The following NAALADL2 variants were observed in gnomAD, a reference collection of about 807,000 sequenced individuals.
The protein encoded by NAALADL2 is N-acetylated alpha-linked acidic dipeptidase like 2.
A neutral mutation model predicts 87.2 loss-of-function variants in NAALADL2; 76 were observed. The ratio of observed to expected loss-of-function variants is 0.87; its 90% CI spans 0.72 to 1.05. The LOEUF (loss-of-function observed/expected upper bound fraction) is 1.05, where lower values mean the gene tolerates loss of function less well. NAALADL2 is among the 50% of genes least tolerant of loss of function. The probability of loss-of-function intolerance (pLI) is 0.00; values close to 1 mark genes in which losing one functional copy is unlikely to be tolerated. For missense variants in NAALADL2, 1,089 were observed against 945.8 expected (o/e 1.15, Z -1.99); for synonymous variants, 354 against 331.0 (o/e 1.07, Z -0.75).
At chr3:174,657,604 G>A (rs993528869) in intron 2 of NAALADL2, among the ~76,000 whole-genome samples, 1 of 152,080 alleles carries the variant, frequency 6.6e-6, no homozygotes, top group Admixed American at 6.6e-5. Context: ...TGGCGTATTC[G>A]TGACAACTGT....
chr3:174,768,434 C>A (rs944789384), intron 3 of NAALADL2, among the ~76,000 whole-genome samples: 2 of 152,066 alleles, frequency 1.3e-5, no homozygotes, highest in South Asian at 4.2e-4. Context: ...CTAGTCTTTT[C>A]ATTTATAAAG....
At chr3:175,614,781 T>C (rs897623274) in intron 10 of NAALADL2, among the ~76,000 whole-genome samples, 2 of 152,228 alleles carry the variant, frequency 1.3e-5, no homozygotes, top group African/African-American at 4.8e-5. Context: ...TGACACAAGA[T>C]ATGCAACTAT....
At chr3:174,522,879 A>G (rs537434693) in intron 1 of NAALADL2, among the ~76,000 whole-genome samples, 1 of 138,692 alleles carries the variant, frequency 7.2e-6, no homozygotes, top group Non-Finnish European at 1.5e-5. Flanking sequence ...GCTTGCAGTG[A>G]GCCGAGATCT....
At chr3:175,708,533 G>C (rs901195858) in intron 11 of NAALADL2, among the ~76,000 whole-genome samples, 14 of 151,650 alleles carry the variant, frequency 9.2e-5, no homozygotes, top group Admixed American at 7.9e-4. Flanking sequence ...AGACCAAACT[G>C]CCGAGTTGTC....
At chr3:174,489,083 C>G (rs1718029528) in intron 1 of NAALADL2, among the ~76,000 whole-genome samples, 1 of 152,028 alleles carries the variant, frequency 6.6e-6, no homozygotes, top group Non-Finnish European at 1.5e-5. Context: ...ATTTCTCTAC[C>G]TCATTGCTGG....
chr3:175,178,260 A>T (rs937923541), intron 2 of NAALADL2, among the ~76,000 whole-genome samples: 10 of 152,006 alleles, frequency 6.6e-5, no homozygotes, highest in Admixed American at 5.3e-4. Flanking sequence ...AATAGAAGAA[A>T]AGCCATCTCA....
At chr3:175,117,233 A>T (rs2108536868) in intron 2 of NAALADL2, among the ~76,000 whole-genome samples, 1 of 151,086 alleles carries the variant, frequency 6.6e-6, no homozygotes, top group South Asian at 2.1e-4. Flanking sequence ...AACCAAAAGC[A>T]ATGGCAACAA....
chr3:174,741,842 A>ACAAGC (rs1014252744), intron 3 of NAALADL2, among the ~76,000 whole-genome samples: 5 of 151,784 alleles, frequency 3.3e-5, no homozygotes, highest in Admixed American at 2.6e-4. Context: ...CTATCTTTAC[A>ACAAGC]CAAGCGGTTT....
At chr3:175,676,533 A>G (rs1734812281) in intron 11 of NAALADL2, 1 of 152,156 alleles carries the variant, frequency 6.6e-6, no homozygotes, top group South Asian at 2.1e-4. Context: ...CTTCATGCAG[A>G]ATCAGAGCTG....
chr3:174,579,467 A>T (rs993234951), intron 2 of NAALADL2, among the ~76,000 whole-genome samples: 2 of 152,044 alleles, frequency 1.3e-5, no homozygotes, highest in Non-Finnish European at 2.9e-5. Flanking sequence ...AAGAGTATAT[A>T]TTGTCTACTT....
At chr3:175,665,623 G>A (rs535611363) in intron 11 of NAALADL2, among the ~76,000 whole-genome samples, 1 of 152,168 alleles carries the variant, frequency 6.6e-6, no homozygotes, top group Admixed American at 6.5e-5. Flanking sequence ...CATTATGATA[G>A]CATCTTAACA....
chr3:174,778,080 T>A (rs1715438922), intron 3 of NAALADL2, among the ~76,000 whole-genome samples: 1 of 152,084 alleles, frequency 6.6e-6, no homozygotes, highest in Non-Finnish European at 1.5e-5. Context: ...CCTACTGGTA[T>A]TATGCTAGAT....
At chr3:174,726,409 A>G (rs561834295) in intron 2 of NAALADL2, among the ~76,000 whole-genome samples, 59 of 152,284 alleles carry the variant, frequency 3.9e-4, no homozygotes, top group African/African-American at 1.3e-3. Context: ...ACAACCTGTC[A>G]TTAGTTATAA....
chr3:174,596,230 A>C (rs1717889150), intron 2 of NAALADL2, among the ~76,000 whole-genome samples: 1 of 152,102 alleles, frequency 6.6e-6, no homozygotes, highest in African/African-American at 2.4e-5. Flanking sequence ...ACTTTAGTGA[A>C]ATTGCTTATG....
chr3:175,201,044 G>A (rs933005480), intron 2 of NAALADL2, among the ~76,000 whole-genome samples: 1 of 152,114 alleles, frequency 6.6e-6, no homozygotes, highest in African/African-American at 2.4e-5. Flanking sequence ...TCAGAATTAT[G>A]TCAAATTGTT....
At chr3:174,944,258 C>T (rs6771555) in intron 1 of NAALADL2, among the ~76,000 whole-genome samples, 6,282 of 152,160 alleles carry the variant, frequency 0.041, 440 homozygotes, top group African/African-American at 0.14. Context: ...GAGGTCCCAC[C>T]CAGTGACAGG....
At chr3:174,642,877 G>A (rs1723393695) in intron 2 of NAALADL2, among the ~76,000 whole-genome samples, 1 of 150,512 alleles carries the variant, frequency 6.6e-6, no homozygotes, top group African/African-American at 2.4e-5. Context: ...CAACCTCGTG[G>A]GCTCAAATGA....
At chr3:174,752,645 A>G (rs1447640769) in intron 3 of NAALADL2, among the ~76,000 whole-genome samples, 1 of 149,296 alleles carries the variant, frequency 6.7e-6, no homozygotes, top group Non-Finnish European at 1.5e-5. Flanking sequence ...TTTCTTTTTT[A>G]TCACTTTATT....
intron 11 of NAALADL2, among the ~76,000 whole-genome samples, chr3:175,686,737 G>C (rs1192738139): frequency 6.6e-6 from 1 of 152,004 alleles, no homozygotes; most frequent in Non-Finnish European, 1.5e-5. Flanking sequence ...GGTAATGTTT[G>C]CTCCATGAAA....
Sources: gnomAD v4.1 joint callset for allele counts (sites outside exome capture counted in the v4.1 genomes callset) on GRCh38, gnomAD v4.1.1 for gene constraint, MANE v1.5 for transcripts, NCBI Gene and HGNC (gene_info 2026-07-23, HGNC 2026-07-21) for gene names.